MYOCD: variants seen among roughly 807,000 people sequenced by gnomAD.
MYOCD encodes the protein myocardin.
MYOCD carries 32 observed loss-of-function variants against 96.1 expected under a neutral mutation model. That is an observed-to-expected ratio of 0.33 (90% confidence interval 0.25 to 0.45). MYOCD has a LOEUF of 0.45. Ranked by LOEUF, MYOCD falls within the 20% of genes least tolerant of loss-of-function variation. The probability of loss-of-function intolerance (pLI) is 1.00; values close to 1 mark genes in which losing one functional copy is unlikely to be tolerated. For synonymous variants in MYOCD, 469 were observed against 469.0 expected (o/e 1.00, Z 0.00); for missense variants, 1,133 against 1,200.6 (o/e 0.94, Z 0.83).
In MYOCD at chr17:12,758,101, C is replaced by T. The variant is rs762668400; in HGVS notation, c.2219C>T (p.Ser740Phe). The change falls in exon 12 of 14, where the codon TCT becomes TTT. Residue 740 changes from serine to phenylalanine, a missense_variant. Ser to Phe is a radical substitution (Grantham distance 155, BLOSUM62 -2). Transcript: ENST00000425538. ...CCCATGCAGATGGCTGGTTTACACT[C>T]TTCTGATAAGGTGGGGCCAAAGTTT... ...CVQQKMAGLHSSDKVGPKFSI... is the reference protein window; with the variant it reads ...CVQQKMAGLHFSDKVGPKFSI... 5 of 1,613,720 alleles carry T rather than the reference C, an allele frequency of 3.1e-6. No individual in the cohort carries two copies. In the East Asian group the frequency reaches 1.1e-4, roughly 36 times the overall value.
At chr17:12,680,599 C>A (rs1043928618) in intron 1 of MYOCD, among the ~76,000 whole-genome samples, 5 of 152,190 alleles carry the variant, frequency 3.3e-5, no homozygotes, top group Admixed American at 6.5e-5. Flanking sequence ...CCCACCGGCC[C>A]CGGGCGTGTG....
At chr17:12,743,544 G>A (rs2032575059) in intron 7 of MYOCD, among the ~76,000 whole-genome samples, 1 of 140,944 alleles carries the variant, frequency 7.1e-6, no homozygotes, top group Admixed American at 7.6e-5. Flanking sequence ...CCAGGCTGGA[G>A]TGCAATGGCG....
chr17:12,671,547 C>T (rs16946408), intron 1 of MYOCD, among the ~76,000 whole-genome samples: 16,093 of 152,142 alleles, frequency 0.11, 1,497 homozygotes, highest in African/African-American at 0.25. Context: ...GGCTCAATGA[C>T]GATAGTGTGA....
chr17:12,728,670 G>T (rs1053521331), intron 5 of MYOCD, among the ~76,000 whole-genome samples: 11 of 152,056 alleles, frequency 7.2e-5, no homozygotes, highest in Non-Finnish European at 4.4e-5. Flanking sequence ...GTAGAGATGG[G>T]GTTTCTCCAC....
At chr17:12,749,707 G>GTGTATATGTATACATATA in intron 9 of MYOCD, among the ~76,000 whole-genome samples, 1 of 135,740 alleles carries the variant, frequency 7.4e-6, no homozygotes, top group South Asian at 2.3e-4. Flanking sequence ...GTATACATAT[G>GTGTATATGTATACATATA]TGTATATATA....
chr17:12,684,760 C>T (rs1439115171), intron 1 of MYOCD, among the ~76,000 whole-genome samples: 3 of 148,396 alleles, frequency 2.0e-5, no homozygotes, highest in East Asian at 2.0e-4. Flanking sequence ...GCAGGAGAAT[C>T]GCTTGAACCT....
At chr17:12,713,334 T>G (rs1962238646) in intron 2 of MYOCD, among the ~76,000 whole-genome samples, 1 of 152,138 alleles carries the variant, frequency 6.6e-6, no homozygotes, top group African/African-American at 2.4e-5. Flanking sequence ...CTTAGAACAA[T>G]TAATAAGCTT....
At chr17:12,715,476 C>G in intron 2 of MYOCD, 43 bp from the exon 3 acceptor site, 1 of 1,583,576 alleles carries the variant, frequency 6.3e-7, no homozygotes, top group Non-Finnish European at 8.7e-7. Flanking sequence ...AGACCAATGC[C>G]CTTAACCCAG....
At chr17:12,729,630 T>A (rs577460332) in intron 5 of MYOCD, among the ~76,000 whole-genome samples, 1 of 151,394 alleles carries the variant, frequency 6.6e-6, no homozygotes, top group Non-Finnish European at 1.5e-5. Flanking sequence ...CAGGCTGGAG[T>A]GCAATGGCGC....
At chr17:12,755,603 G>A (rs1019302506) in intron 10 of MYOCD, among the ~76,000 whole-genome samples, 3 of 152,016 alleles carry the variant, frequency 2.0e-5, no homozygotes, top group Non-Finnish European at 2.9e-5. Flanking sequence ...TAGGCCAGGC[G>A]CGATGGTTCA....
intron 4 of MYOCD, among the ~76,000 whole-genome samples, chr17:12,718,947 G>T (rs989924989): frequency 6.6e-6 from 1 of 152,018 alleles, no homozygotes; most frequent in East Asian, 1.9e-4. Flanking sequence ...GCTGAGGCTG[G>T]CAGATCATTT....
intron 1 of MYOCD, among the ~76,000 whole-genome samples, chr17:12,668,358 G>C (rs556684005): frequency 6.6e-6 from 1 of 152,246 alleles, no homozygotes; most frequent in African/African-American, 2.4e-5. Context: ...GTGGTATTAT[G>C]TATTCCATTA....
chr17:12,692,261 G>A (rs888872027), intron 1 of MYOCD, among the ~76,000 whole-genome samples: 7 of 152,258 alleles, frequency 4.6e-5, no homozygotes, highest in Admixed American at 3.9e-4. Context: ...GCTTGCATTC[G>A]CATCGCAACC....
At chr17:12,673,853 T>A (rs2150629849) in intron 1 of MYOCD, among the ~76,000 whole-genome samples, 1 of 152,348 alleles carries the variant, frequency 6.6e-6, no homozygotes, top group South Asian at 2.1e-4. Context: ...TACAACTAAC[T>A]CAGAGTAACC....
At chr17:12,728,694 G>C (rs2032073887) in intron 5 of MYOCD, among the ~76,000 whole-genome samples, 1 of 152,158 alleles carries the variant, frequency 6.6e-6, no homozygotes, top group Non-Finnish European at 1.5e-5. Flanking sequence ...GGTCAGGCTT[G>C]TCTCGAACTC....
intron 10 of MYOCD, among the ~76,000 whole-genome samples, chr17:12,754,293 A>G (rs1000472063): frequency 3.3e-5 from 5 of 152,114 alleles, no homozygotes; most frequent in East Asian, 1.9e-4. Flanking sequence ...TAGTAGAGAC[A>G]GAGTTTCACC....
intron 9 of MYOCD, among the ~76,000 whole-genome samples, chr17:12,749,931 G>C (rs1228307881): frequency 6.6e-6 from 1 of 151,904 alleles, no homozygotes; most frequent in Non-Finnish European, 1.5e-5. Flanking sequence ...CTCACTGCAA[G>C]CTCCGCCTTC....
intron 1 of MYOCD, among the ~76,000 whole-genome samples, chr17:12,687,481 A>G (rs1391590769): frequency 1.3e-5 from 2 of 152,144 alleles, no homozygotes; most frequent in African/African-American, 2.4e-5. Context: ...TGGGTGAGGG[A>G]TGTATGGCTG....
intron 9 of MYOCD, among the ~76,000 whole-genome samples, chr17:12,748,993 C>T (rs1394897152): frequency 6.6e-6 from 1 of 152,016 alleles, no homozygotes; most frequent in Non-Finnish European, 1.5e-5. Flanking sequence ...TAACAGAAAG[C>T]AGATTATATT....
Sources: gnomAD v4.1 joint callset for allele counts (sites outside exome capture counted in the v4.1 genomes callset) on GRCh38, gnomAD v4.1.1 for gene constraint, MANE v1.5 for transcripts, NCBI Gene and HGNC (gene_info 2026-07-23, HGNC 2026-07-21) for gene names.